WDR91: variants seen among roughly 807,000 people sequenced by gnomAD.
WDR91 encodes WD repeat-containing protein 91.
WDR91 carries 52 observed loss-of-function variants against 88.4 expected under a neutral mutation model. The ratio of observed to expected loss-of-function variants is 0.59; its 90% CI spans 0.47 to 0.74. The LOEUF (loss-of-function observed/expected upper bound fraction) is 0.74, where lower values mean the gene tolerates loss of function less well. WDR91 is among the 30% of genes least tolerant of loss of function. The pLI, the probability that WDR91 is intolerant of heterozygous loss-of-function variation, is 0.00. For synonymous variants in WDR91, 362 were observed against 389.5 expected (o/e 0.93, Z 0.83); for missense variants, 824 against 954.5 (o/e 0.86, Z 1.80).
chr7:135,195,982 C>T (rs1352661062), intron 8 of WDR91, among the ~76,000 whole-genome samples, 162 bp downstream of exon 8: 3 of 151,974 alleles, frequency 2.0e-5, no homozygotes, highest in Non-Finnish European at 4.4e-5. Flanking sequence ...ACAGGCTGAC[C>T]AGTCCACTGG....
In WDR91 at chr7:135,187,167, G is replaced by A; in HGVS notation, c.1884C>T (p.Phe628=). The A allele has an allele frequency of 3.1e-6, 5 of 1,614,066 alleles. No individual in the cohort carries two copies. The highest frequency in any genetic ancestry group is 4.2e-6 in the Non-Finnish European group (5 of 1,180,028). Residue 628 remains phenylalanine, a splice_region_variant and synonymous_variant, in exon 14 of 15, where the codon TTC becomes TTT. Transcript: ENST00000354475. ...CACTCTTGTGGATGTTCCACTGGAT[G>A]AACTGCAGTCACAGGGCACAAGCAG... is the stretch of plus-strand genomic sequence containing the variant. The part of the protein sequence containing the change: ...TVYSIGEDGK[F]IQWNIHKSGL...
intron 12 of WDR91, among the ~76,000 whole-genome samples, chr7:135,188,968 G>A (rs951423753): frequency 6.6e-6 from 1 of 152,226 alleles, no homozygotes; most frequent in Non-Finnish European, 1.5e-5. Context: ...AGGTGATTCT[G>A]ATGTATGCCT....
chr7:135,205,853 G>A, intron 5 of WDR91, 75 bp downstream of exon 5: 1 of 1,599,010 alleles, frequency 6.3e-7, no homozygotes, highest in Non-Finnish European at 8.5e-7. Context: ...CTGCAGGCAA[G>A]GCAAGATCAG....
chr7:135,200,208 G>C (rs555458846), intron 6 of WDR91: 1 of 152,208 alleles, frequency 6.6e-6, no homozygotes, highest in Non-Finnish European at 1.5e-5. Context: ...AGGCCAATTT[G>C]TGTCTAGCCA....
intron 13 of WDR91, 91 bp downstream of exon 13, chr7:135,188,342 G>A (rs941081248): frequency 1.1e-5 from 11 of 994,570 alleles, no homozygotes; most frequent in Non-Finnish European, 6.4e-6. Flanking sequence ...GAGGCCCCAG[G>A]TTGCAGAGCT....
intron 1 of WDR91, 134 bp downstream of exon 1, chr7:135,211,246 G>C: frequency 1.5e-6 from 2 of 1,368,680 alleles, no homozygotes; most frequent in Non-Finnish European, 9.6e-7. Flanking sequence ...AGCTGGGGTC[G>C]GACGCGCTGA....
intron 1 of WDR91, among the ~76,000 whole-genome samples, chr7:135,210,051 A>G (rs1831955277): frequency 2.0e-5 from 3 of 152,100 alleles, no homozygotes. Context: ...TACTTGATCA[A>G]TTTGGCAGTG....
At chr7:135,187,831 A>G (rs1249349641) in intron 13 of WDR91, among the ~76,000 whole-genome samples, 1 of 152,100 alleles carries the variant, frequency 6.6e-6, no homozygotes, top group Non-Finnish European at 1.5e-5. Flanking sequence ...TCAAATGAAG[A>G]ATTTATTTTG....
In WDR91 at chr7:135,186,092, T is replaced by C; in HGVS notation, c.*59A>G. ...TGGAGCACGTGGTTTTCCTGTCCTA[T>C]ATCTCCTCCCCCCACCGCAGATAAT... On this transcript the variant is annotated 3_prime_UTR_variant, in exon 15 of 15. Coordinates refer to ENST00000354475, the MANE Select transcript of WDR91 (RefSeq NM_014149.4). 1 of 1,520,798 alleles carries C rather than the reference T, an allele frequency of 6.6e-7. No homozygotes were observed. The highest frequency in any genetic ancestry group is 2.4e-5 in the East Asian group (1 of 41,186). The allele number at this position is 1,520,798 out of a possible 1,614,324, so 94.2% of individuals were successfully genotyped here. A position where few individuals can be genotyped will look rare whatever the true frequency, so the allele number is the denominator to read the frequency against.
intron 11 of WDR91, among the ~76,000 whole-genome samples, chr7:135,191,625 A>AG (rs1831170018): frequency 6.6e-6 from 1 of 150,604 alleles, no homozygotes; most frequent in South Asian, 2.1e-4. Context: ...AAAAAAAAAA[A>AG]GTAAGGCAAC....
In WDR91 at chr7:135,188,526, G is replaced by A. The variant is rs754218720; in HGVS notation, c.1788C>T (p.Cys596=). 54 of 1,613,368 alleles carry A rather than the reference G, an allele frequency of 3.3e-5. No homozygotes were observed. Among genetic ancestry groups the A allele is most frequent in the South Asian group, 1.2e-4 (11 of 91,076 alleles). Reference sequence around the variant, plus strand: ...CGTAGTGGGCCCTCCAGCTCATCGCGCACTCATGCTGCTGCATGTCTGAGG... The same window carrying A: ...CGTAGTGGGCCCTCCAGCTCATCGCACACTCATGCTGCTGCATGTCTGAGG... ...IRLFDMQQHE[C]AMSWRAHYGE... The change falls in exon 13 of 15, where the codon TGC becomes TGT. Residue 596 remains cysteine, a synonymous_variant. Transcript: ENST00000354475.
chr7:135,204,267 C>T lies in WDR91; in HGVS notation c.891+1G>A. On this transcript the variant is annotated splice_donor_variant, in intron 6 of 14. Transcript: ENST00000354475. LOFTEE classifies it high-confidence loss of function. ...GTTAGAGAGGCAGGACTTGTGCTTA[C>T]CTGACCACCGAAGGACTCTTTCTTG... 6.2e-7 allele frequency: 1 copy of T among 1,613,822 alleles called. No individual in the cohort carries two copies. Among genetic ancestry groups the T allele is most frequent in the Admixed American group, 1.7e-5 (1 of 60,002 alleles).
Position 135,208,972 on chromosome 7 carries a change from C to A in WDR91, c.330G>T (p.Glu110Asp). The change falls in exon 3 of 15, where the codon GAG (glutamate) becomes GAT (aspartate). Residue 110 changes from glutamate (E) to aspartate (D), a missense_variant. Glu to Asp is a conservative substitution (Grantham distance 45). Transcript: ENST00000354475. ...GTTCCGTGGCCTGCTTTGCAAAGAACTCCTGAGCCTTGTCATTTCTGTTTG... is the reference window on the plus strand; with the variant it reads ...GTTCCGTGGCCTGCTTTGCAAAGAAATCCTGAGCCTTGTCATTTCTGTTTG... ...IQTNRNDKAQ[E>D]FFAKQATELQ... 1.9e-6 allele frequency: 3 copies of A among 1,614,080 alleles called. No individual in the cohort carries two copies. The highest frequency in any genetic ancestry group is 4.5e-5 in the East Asian group (2 of 44,890).
In WDR91 at chr7:135,204,293, G is replaced by A; in HGVS notation, c.866C>T (p.Ala289Val). The A allele has an allele frequency of 6.2e-7, 1 of 1,614,078 alleles. No homozygotes were observed. Among genetic ancestry groups the A allele is most frequent in the African/African-American group, 1.3e-5 (1 of 75,038 alleles). ...CTGACCACCGAAGGACTCTTTCTTG[G>A]CCGAGCTCTGAGGTTGAGGAGGGCC... ...AQGPPQPQSS[A>V]KKESFGGQGT... The change falls in exon 6 of 15, where the codon GCC (alanine) becomes GTC (valine). Residue 289 changes from alanine to valine, a missense_variant. Physicochemically the swap from Ala to Val is moderately conservative, Grantham distance 64 (BLOSUM62 0). Transcript: ENST00000354475.
At chr7:135,209,267 G>C (rs548881954) in intron 2 of WDR91, among the ~76,000 whole-genome samples, 1 of 152,100 alleles carries the variant, frequency 6.6e-6, no homozygotes, top group African/African-American at 2.4e-5. Flanking sequence ...CATTCCTCCA[G>C]GTCAGCTATC....
At chr7:135,208,270 T>C (rs1831879283) in intron 3 of WDR91, among the ~76,000 whole-genome samples, 1 of 152,122 alleles carries the variant, frequency 6.6e-6, no homozygotes, top group Non-Finnish European at 1.5e-5. Context: ...ATTCCCCCTC[T>C]CCAATACCCG....
intron 8 of WDR91, among the ~76,000 whole-genome samples, chr7:135,195,669 C>T (rs769260200): frequency 1.3e-5 from 2 of 152,140 alleles, no homozygotes; most frequent in Non-Finnish European, 2.9e-5. Flanking sequence ...CAGAGAGGCC[C>T]GGTGCGGTGG....
intron 13 of WDR91, 106 bp from the exon 14 acceptor site, chr7:135,187,275 C>G (rs938706999): frequency 2.6e-6 from 3 of 1,162,754 alleles, no homozygotes; most frequent in Non-Finnish European, 3.7e-6. Flanking sequence ...GAGGGCGACC[C>G]GCCTCCCCCA....
chr7:135,187,907 C>T (rs903069063), intron 13 of WDR91, among the ~76,000 whole-genome samples: 12 of 152,232 alleles, frequency 7.9e-5, no homozygotes, highest in Admixed American at 1.3e-4. Context: ...GGCAGGCACA[C>T]ATGGAAAGGG....
Sources: allele counts gnomAD v4.1 joint callset (sites outside exome capture counted in the v4.1 genomes callset), GRCh38; gene constraint gnomAD v4.1.1; transcripts MANE v1.5; gene names NCBI Gene and HGNC (gene_info 2026-07-23, HGNC 2026-07-21).